The following PHKB variants were observed in gnomAD, a reference collection of about 807,000 sequenced individuals.
PHKB encodes the protein phosphorylase kinase regulatory subunit beta.
A neutral mutation model predicts 152.1 loss-of-function variants in PHKB; 122 were observed. The ratio of observed to expected loss-of-function variants is 0.80; its 90% CI spans 0.69 to 0.93. The LOEUF (loss-of-function observed/expected upper bound fraction) is 0.93. Among genes scored for constraint, PHKB ranks in the 40% least tolerant of loss-of-function variants. The pLI, the probability that PHKB is intolerant of heterozygous loss-of-function variation, is 0.00. For synonymous variants in PHKB, 436 were observed against 464.9 expected, an observed-to-expected ratio of 0.94 and a Z score of 0.80; for missense variants, 1,304 against 1,328.4, an observed-to-expected ratio of 0.98 and a Z score of 0.29.
chr16:47,687,789 G>A (rs888380214), intron 26 of PHKB, among the ~76,000 whole-genome samples: 3 of 152,202 alleles, frequency 2.0e-5, no homozygotes, highest in African/African-American at 7.2e-5. Context: ...AGAGCTGAGA[G>A]TTGTCTGAGC....
intron 8 of PHKB, among the ~76,000 whole-genome samples, chr16:47,586,935 T>TGC (rs1302081084): frequency 6.6e-6 from 1 of 152,132 alleles, no homozygotes; most frequent in Non-Finnish European, 1.5e-5. Flanking sequence ...TATGTGTGTG[T>TGC]GCATATATAC....
chr16:47,544,146 C>G (rs1226083170), intron 6 of PHKB, among the ~76,000 whole-genome samples: 1 of 151,992 alleles, frequency 6.6e-6, no homozygotes, highest in Non-Finnish European at 1.5e-5. Flanking sequence ...AATGTGTTTG[C>G]TCTTGCTTTT....
At chr16:47,481,912 C>CTT (rs1340235573) in intron 1 of PHKB, among the ~76,000 whole-genome samples, 2 of 152,132 alleles carry the variant, frequency 1.3e-5, no homozygotes, top group African/African-American at 4.8e-5. Flanking sequence ...CTTCCATGAC[C>CTT]TTTTAGCTAT....
At chr16:47,575,977 G>T (rs527659884) in intron 7 of PHKB, among the ~76,000 whole-genome samples, 8 of 152,180 alleles carry the variant, frequency 5.3e-5, no homozygotes, top group Non-Finnish European at 1.2e-4. Flanking sequence ...TCAGGAGGCT[G>T]AGGCAGGAGA....
chr16:47,597,642 G>A (rs189462142), intron 13 of PHKB, among the ~76,000 whole-genome samples: 3 of 150,766 alleles, frequency 2.0e-5, no homozygotes, highest in Admixed American at 6.6e-5. Context: ...AAGCGGGGGG[G>A]AAAGACACAT....
In PHKB at chr16:47,461,381, G is replaced by A. The variant is rs1217081596; in HGVS notation, c.31G>A (p.Val11Met). MAGAAGLTAEVSWKVLERRAR... is the reference protein window; with the variant it reads MAGAAGLTAEMSWKVLERRAR... ...GGGGGCGGCGGGACTCACGGCAGAA[G>A]TGAGCTGGAAGGTCTTGGAGCGAAG... Residue 11 changes from valine (V) to methionine (M), a missense_variant, in exon 1 of 31, where the codon GTG becomes ATG. Physicochemically the swap from Val to Met is conservative, Grantham distance 21 (BLOSUM62 1). Transcript: ENST00000323584. 4 of 1,612,742 alleles carry A rather than the reference G, an allele frequency of 2.5e-6. No individual in the cohort carries two copies. Among genetic ancestry groups the A allele is most frequent in the Admixed American group, 3.3e-5 (2 of 59,978 alleles).
chr16:47,485,718 C>G (rs1287791858), intron 1 of PHKB, among the ~76,000 whole-genome samples: 2 of 152,148 alleles, frequency 1.3e-5, no homozygotes, highest in Admixed American at 1.3e-4. Flanking sequence ...CTCCTGGGCT[C>G]AAGCGATCCT....
At chr16:47,494,116 G>A (rs1038519645) in intron 1 of PHKB, among the ~76,000 whole-genome samples, 4 of 152,196 alleles carry the variant, frequency 2.6e-5, no homozygotes, top group African/African-American at 9.7e-5. Context: ...AGGACTTATC[G>A]TATTGGTACC....
chr16:47,470,862 A>C (rs1969754373), intron 1 of PHKB, among the ~76,000 whole-genome samples: 1 of 152,208 alleles, frequency 6.6e-6, no homozygotes, highest in South Asian at 2.1e-4. Flanking sequence ...AGTGGTTGAG[A>C]GAGCTAATAG....
At chr16:47,653,946 A>G (rs2077696572) in intron 20 of PHKB, among the ~76,000 whole-genome samples, 1 of 152,212 alleles carries the variant, frequency 6.6e-6, no homozygotes, top group Non-Finnish European at 1.5e-5. Context: ...AGGGATTTCA[A>G]TAAATACTTC....
At chr16:47,658,330 T>A (rs890334616) in intron 20 of PHKB, among the ~76,000 whole-genome samples, 1 of 152,112 alleles carries the variant, frequency 6.6e-6, no homozygotes, top group African/African-American at 2.4e-5. Flanking sequence ...ATTAGAGAAA[T>A]CCTTTCTGAT....
At chr16:47,637,347 G>C (rs1972939051) in intron 14 of PHKB, among the ~76,000 whole-genome samples, 1 of 152,180 alleles carries the variant, frequency 6.6e-6, no homozygotes, top group African/African-American at 2.4e-5. Flanking sequence ...AAACAAGGCT[G>C]AAACACGCAC....
At chr16:47,619,523 A>G (rs1266173120) in intron 14 of PHKB, 3 of 152,142 alleles carry the variant, frequency 2.0e-5, no homozygotes, top group Non-Finnish European at 2.9e-5. Flanking sequence ...CAAATCTATA[A>G]CAGTAATTTT....
chr16:47,614,396 C>T (rs921911174), intron 14 of PHKB, among the ~76,000 whole-genome samples: 1 of 152,192 alleles, frequency 6.6e-6, no homozygotes, highest in African/African-American at 2.4e-5. Flanking sequence ...CTGAGTTGTA[C>T]GCCATGGTAT....
intron 20 of PHKB, among the ~76,000 whole-genome samples, chr16:47,655,868 C>G (rs1399083981): frequency 6.6e-6 from 1 of 152,184 alleles, no homozygotes; most frequent in Non-Finnish European, 1.5e-5. Flanking sequence ...ACTTTTTATA[C>G]TCAAGCACCT....
chr16:47,591,950 G>A (rs929786969), intron 10 of PHKB, among the ~76,000 whole-genome samples: 2 of 152,104 alleles, frequency 1.3e-5, no homozygotes, highest in South Asian at 2.1e-4. Context: ...GATCTGGGGC[G>A]ATTTTGCCCT....
chr16:47,491,820 A>G (rs1423554226), intron 1 of PHKB, among the ~76,000 whole-genome samples: 1 of 152,190 alleles, frequency 6.6e-6, no homozygotes, highest in Admixed American at 6.5e-5. Flanking sequence ...AGGAAAACAG[A>G]GGTTTTTTGC....
chr16:47,569,938 G>A (rs1971630628), intron 7 of PHKB, among the ~76,000 whole-genome samples: 1 of 152,132 alleles, frequency 6.6e-6, no homozygotes, highest in South Asian at 2.1e-4. Context: ...CTTTCATTTA[G>A]ATGTTTAGAA....
intron 1 of PHKB, among the ~76,000 whole-genome samples, chr16:47,465,294 T>C (rs184243222): frequency 1.2e-3 from 189 of 152,334 alleles, no homozygotes; most frequent in Non-Finnish European, 2.2e-3. Flanking sequence ...GCTTTTCTAC[T>C]AAGAAGGAAA....
Sources: allele counts gnomAD v4.1 joint callset (sites outside exome capture counted in the v4.1 genomes callset), GRCh38; gene constraint gnomAD v4.1.1; transcripts MANE v1.5; gene names NCBI Gene and HGNC (gene_info 2026-07-23, HGNC 2026-07-21).